Variants in GPR37 observed in about 807,000 individuals in gnomAD.
GPR37 encodes G protein-coupled receptor 37.
Under a neutral mutation model 43.6 loss-of-function variants are expected in GPR37, and 20 were observed. The observed-to-expected ratio is 0.46, with a 90% CI of 0.32 to 0.67. The LOEUF is 0.67. GPR37 is among the 30% of genes least tolerant of loss of function. GPR37 has a pLI of 0.03. For synonymous variants in GPR37, 315 were observed against 322.6 expected (o/e 0.98, Z 0.25); for missense variants, 724 against 797.2 (o/e 0.91, Z 1.11).
intron 1 of GPR37, among the ~76,000 whole-genome samples, chr7:124,748,940 T>C (rs1392805181): frequency 6.6e-6 from 1 of 152,072 alleles, no homozygotes; most frequent in East Asian, 1.9e-4. Flanking sequence ...GCATTGTACA[T>C]GTACTCAAAT....
In GPR37 at chr7:124,764,003, T is replaced by C. The variant is rs1198368630; in HGVS notation, c.974A>G (p.Lys325Arg). The change falls in exon 1 of 2, where the codon AAG (lysine) becomes AGG (arginine). Residue 325 changes from lysine to arginine, a missense_variant. Around this residue, in one of 2 missense-constraint regions of GPR37, gnomAD observed 342 missense variants for 441.8 expected, o/e 0.77. Transcript: ENST00000303921. The surrounding 1 kb of genome is among the most constrained non-coding windows in gnomAD (Gnocchi z 5.4). ...LPLVIFHELT[K>R]KWLLEDFSCK... ...GGAGAAGTCCTCCAGCAGCCACTTC[T>C]TGGTCAGCTCGTGGAAGATGACCAG... The C allele has an allele frequency of 1.9e-6, 3 of 1,614,014 alleles. No homozygotes were observed. Among genetic ancestry groups the C allele is most frequent in the Non-Finnish European group, 1.7e-6 (2 of 1,180,038 alleles).
chr7:124,753,274 T>G (rs1451525207), intron 1 of GPR37, among the ~76,000 whole-genome samples: 1 of 152,070 alleles, frequency 6.6e-6, no homozygotes, highest in Non-Finnish European at 1.5e-5. Flanking sequence ...ATTCTATATT[T>G]TGAATGTTTT....
At chr7:124,755,920 T>C (rs537705990) in intron 1 of GPR37, among the ~76,000 whole-genome samples, 1 of 152,278 alleles carries the variant, frequency 6.6e-6, no homozygotes, top group East Asian at 1.9e-4. Context: ...ACTAATGATA[T>C]TGATTTGCAT....
intron 1 of GPR37, among the ~76,000 whole-genome samples, chr7:124,757,652 T>G (rs1180693203): frequency 6.6e-6 from 1 of 152,236 alleles, no homozygotes; most frequent in East Asian, 1.9e-4. Flanking sequence ...CAACTGTGAC[T>G]TGACCCATTT....
Position 124,764,526 on chromosome 7 carries a change from C to G in GPR37, c.451G>C (p.Glu151Gln), listed in dbSNP as rs774979284. The change falls in exon 1 of 2, where the codon GAG becomes CAG. Residue 151 changes from glutamate to glutamine, a missense_variant. Glu to Gln is a conservative substitution (Grantham distance 29). Coordinates refer to ENST00000303921, the MANE Select transcript of GPR37 (RefSeq NM_005302.5). This position sits in a 1 kb window ranked among gnomAD's most constrained non-coding sequence, Gnocchi z 5.4. ...ALQLFLQISE[E>Q]EEKGPRGAGI... ...GCGCCTCTGGGACCCTTCTCTTCCT[C>G]CTCTGAGATCTGAAGGAAGAGCTGG... 6.2e-7 allele frequency: 1 copy of G among 1,613,658 alleles called. No homozygotes were observed. The highest frequency in any genetic ancestry group is 8.5e-7 in the Non-Finnish European group (1 of 1,180,028).
At chr7:124,754,816 G>A (rs1161839579) in intron 1 of GPR37, among the ~76,000 whole-genome samples, 4 of 152,148 alleles carry the variant, frequency 2.6e-5, no homozygotes, top group African/African-American at 9.7e-5. Context: ...GTCAGGAAAA[G>A]AACAGGATGA....
intron 1 of GPR37, among the ~76,000 whole-genome samples, chr7:124,761,506 T>C (rs1236477847): frequency 1.3e-5 from 2 of 152,178 alleles, no homozygotes; most frequent in African/African-American, 2.4e-5. Flanking sequence ...TCTGTGGCAA[T>C]TGCATCACAG....
rs1041390213 is a variant in GPR37, at chr7:124,745,857, A to G, written c.*668T>C. On this transcript the variant is annotated 3_prime_UTR_variant, in exon 2 of 2. Coordinates refer to ENST00000303921, the MANE Select transcript of GPR37 (RefSeq NM_005302.5). ...ATTAAAAATACAGCTTTGTTTTAAC[A>G]TACAACATAGTTTTATGAATCATGC... The G allele has an allele frequency of 5.9e-5, 9 of 152,228 alleles. No individual in the cohort carries two copies. The highest frequency in any genetic ancestry group is 2.2e-4 in the African/African-American group (9 of 41,458). 9.4% of individuals were successfully genotyped at this position (152,228 alleles called of 1,614,324 possible). A position where few individuals can be genotyped will look rare whatever the true frequency, so the allele number is the denominator to read the frequency against.
At chr7:124,760,684 T>C (rs1793841361) in intron 1 of GPR37, among the ~76,000 whole-genome samples, 1 of 152,172 alleles carries the variant, frequency 6.6e-6, no homozygotes, top group African/African-American at 2.4e-5. Context: ...TGGATAAAGC[T>C]TGTGCTTCAT....
At position 124,764,742 on chromosome 7, in the gene GPR37, C is replaced by G; in HGVS notation, c.235G>C (p.Ala79Pro). 2 of 1,610,900 alleles carry G rather than the reference C, an allele frequency of 1.2e-6. No homozygotes were observed. The highest frequency in any genetic ancestry group is 1.7e-6 in the Non-Finnish European group (2 of 1,179,682). ...TCCCAGGAGGGTCCCGCAAGAAACG[C>G]TGCCCCCTGCTCCTCCCTGGGTGCT... ...ARAPREEQGA[A>P]FLAGPSWDLP... Residue 79 changes from alanine (A) to proline (P), a missense_variant, in exon 1 of 2, where the codon GCG becomes CCG. Physicochemically the swap from Ala to Pro is conservative, Grantham distance 27. Around this residue, in one of 2 missense-constraint regions of GPR37, gnomAD observed 382 missense variants for 355.4 expected, o/e 1.07. Transcript: ENST00000303921. The surrounding 1 kb of genome is among the most constrained non-coding windows in gnomAD (Gnocchi z 5.4).
chr7:124,761,323 G>A lies in GPR37; in HGVS notation c.1023+2631C>T, dbSNP rs1006693595. 3.9e-5 allele frequency among the ~76,000 whole-genome samples: 6 copies of A among 152,150 alleles called. No individual in the cohort carries two copies. In the South Asian group the frequency reaches 1.2e-3, roughly 32 times the overall value. On this transcript the variant is annotated intron_variant, in intron 1 of 1. Transcript: ENST00000303921. Reference sequence around the variant, plus strand: ...TCTAGGAATTGCCCTTGACCAAAGAGATCCACCCAACTCAAGGTTATACCC... The same window carrying A: ...TCTAGGAATTGCCCTTGACCAAAGAAATCCACCCAACTCAAGGTTATACCC...
chr7:124,748,999 A>G (rs1793704304), intron 1 of GPR37, among the ~76,000 whole-genome samples: 1 of 152,064 alleles, frequency 6.6e-6, no homozygotes, highest in African/African-American at 2.4e-5. Context: ...ATTTATATCA[A>G]CTCTATGCCG....
In GPR37 at chr7:124,747,314, G is replaced by C. The variant is rs746219421; in HGVS notation, c.1053C>G (p.Thr351=). 2 of 1,612,338 alleles carry C rather than the reference G, an allele frequency of 1.2e-6. No individual in the cohort carries two copies. Among genetic ancestry groups the C allele is most frequent in the African/African-American group, 1.3e-5 (1 of 74,850 alleles). ...AGCGGTCTATGCACAGAGCACATAAGGTGAAAGTGGTGACTCCCAGAGAAG... is the reference window on the plus strand; with the variant it reads ...AGCGGTCTATGCACAGAGCACATAACGTGAAAGTGGTGACTCCCAGAGAAG... ...EVASLGVTTF[T]LCALCIDRFR... Residue 351 remains threonine, a synonymous_variant, in exon 2 of 2, where the codon ACC becomes ACG. Coordinates refer to ENST00000303921, the MANE Select transcript of GPR37 (RefSeq NM_005302.5).
intron 1 of GPR37, among the ~76,000 whole-genome samples, chr7:124,753,452 T>C (rs1261874234): frequency 6.6e-6 from 1 of 152,050 alleles, no homozygotes; most frequent in Non-Finnish European, 1.5e-5. Flanking sequence ...CATTTTCTCC[T>C]TGCCTCAGTT....
intron 1 of GPR37, among the ~76,000 whole-genome samples, chr7:124,748,520 G>A (rs1046265136): frequency 4.6e-5 from 7 of 152,044 alleles, no homozygotes; most frequent in South Asian, 2.1e-4. Context: ...AAGAGACAAT[G>A]AGCCACTATG....
At chr7:124,757,344 C>A (rs996019233) in intron 1 of GPR37, among the ~76,000 whole-genome samples, 2 of 152,076 alleles carry the variant, frequency 1.3e-5, no homozygotes, top group African/African-American at 4.8e-5. Flanking sequence ...AATTGTAAAG[C>A]AGAGATAGAT....
rs1793904175 is a variant in GPR37 at position 124,765,060 on chromosome 7, G to A, written c.-84C>T. 25 of 1,303,810 alleles carry A rather than the reference G, an allele frequency of 1.9e-5. No homozygotes were observed. Among genetic ancestry groups the A allele is most frequent in the Non-Finnish European group, 2.4e-5 (24 of 987,808 alleles). The allele number at this position is 1,303,810 out of a possible 1,614,324, so 80.8% of individuals were successfully genotyped here. On this transcript the variant is annotated 5_prime_UTR_variant, in exon 1 of 2. Transcript: ENST00000303921. Reference sequence around the variant, plus strand: ...CTGCCGAAGTTGCTGCTGAGAGTTAGGCACATGTCACATACTCACCCCCGC... The same window carrying A: ...CTGCCGAAGTTGCTGCTGAGAGTTAAGCACATGTCACATACTCACCCCCGC...
intron 1 of GPR37, among the ~76,000 whole-genome samples, chr7:124,755,223 T>C (rs546791700): frequency 3.3e-5 from 5 of 152,276 alleles, no homozygotes; most frequent in Non-Finnish European, 7.4e-5. Flanking sequence ...CCTTATCAAC[T>C]GATATTTAGT....
chr7:124,764,372 T>C lies in GPR37; in HGVS notation c.605A>G (p.Asn202Ser), dbSNP rs747199415. ...CCACCCTTCGTGCCCCGCCAGTCCA[T>C]TGGCCGTCTTGGACAGGGGCTTGTG... Reference protein sequence around the residue: ...SHHKPLSKTANGLAGHEGWTI... With the variant: ...SHHKPLSKTASGLAGHEGWTI... Residue 202 changes from asparagine to serine, a missense_variant, in exon 1 of 2, where the codon AAT becomes AGT. Around this residue, in one of 2 missense-constraint regions of GPR37, gnomAD observed 382 missense variants for 355.4 expected, o/e 1.07. Coordinates refer to ENST00000303921, the MANE Select transcript of GPR37 (RefSeq NM_005302.5). The surrounding 1 kb of genome is among the most constrained non-coding windows in gnomAD (Gnocchi z 5.4). 8.1e-6 allele frequency: 13 copies of C among 1,613,708 alleles called. No individual in the cohort carries two copies. The highest frequency in any genetic ancestry group is 3.3e-5 in the South Asian group (3 of 91,086).
Sources: allele counts gnomAD v4.1 joint callset (sites outside exome capture counted in the v4.1 genomes callset), GRCh38; gene constraint gnomAD v4.1.1; regional missense constraint gnomAD v4.1.1; non-coding constraint Gnocchi (gnomAD v3.1); transcripts MANE v1.5; gene names NCBI Gene and HGNC (gene_info 2026-07-23, HGNC 2026-07-21).